The following HNRNPC variants were observed in gnomAD, a reference collection of about 807,000 sequenced individuals.
HNRNPC encodes heterogeneous nuclear ribonucleoprotein C, also known as heterogeneous nuclear ribonucleoproteins C1/C2.
In HNRNPC, 3 loss-of-function variants were observed where a neutral mutation model predicts 33.2. The observed-to-expected ratio is 0.09, with a 90% CI of 0.04 to 0.23. The LOEUF (loss-of-function observed/expected upper bound fraction) is 0.23. Among genes scored for constraint, HNRNPC ranks in the 10% least tolerant of loss-of-function variants. The pLI is 1.00. For synonymous variants in HNRNPC, 121 were observed against 126.7 expected, an observed-to-expected ratio of 0.96 and a Z score of 0.30; for missense variants, 143 against 366.7, an observed-to-expected ratio of 0.39 and a Z score of 4.98.
chr14:21,256,731 T>C (rs1224077778), intron 2 of HNRNPC, among the ~76,000 whole-genome samples: 4 of 151,918 alleles, frequency 2.6e-5, no homozygotes, highest in African/African-American at 4.8e-5. Context: ...CTCGGCTCAC[T>C]GCAACCTCTG....
intron 6 of HNRNPC, 136 bp downstream of exon 6, chr14:21,212,824 T>C (rs1891764713): frequency 1.8e-6 from 2 of 1,128,178 alleles, no homozygotes; most frequent in Admixed American, 1.9e-5. Context: ...ATTACAGGCA[T>C]GAGCCACCAC....
chr14:21,266,861 C>G (rs1008779480), intron 1 of HNRNPC, among the ~76,000 whole-genome samples: 1 of 151,730 alleles, frequency 6.6e-6, no homozygotes, highest in Non-Finnish European at 1.5e-5. Flanking sequence ...GAGGCCAAGG[C>G]AGGAGGACTC....
chr14:21,256,979 G>A (rs1018207896), intron 2 of HNRNPC, among the ~76,000 whole-genome samples: 4 of 152,114 alleles, frequency 2.6e-5, no homozygotes, highest in African/African-American at 7.2e-5. Flanking sequence ...TAGGCCAAAG[G>A]TGAGAAGAGT....
chr14:21,256,099 T>A (rs1324954756), intron 2 of HNRNPC, among the ~76,000 whole-genome samples: 2 of 152,076 alleles, frequency 1.3e-5, no homozygotes, highest in African/African-American at 4.8e-5. Context: ...ACAGAAAAAT[T>A]TTTGACTTCA....
intron 5 of HNRNPC, among the ~76,000 whole-genome samples, chr14:21,217,066 T>A (rs1301633927): frequency 1.3e-5 from 2 of 152,232 alleles, no homozygotes; most frequent in African/African-American, 4.8e-5. Context: ...AGTCAAATTC[T>A]CTACTTTTCT....
intron 2 of HNRNPC, among the ~76,000 whole-genome samples, chr14:21,245,097 A>AC (rs1232127113): frequency 3.3e-5 from 5 of 151,194 alleles, no homozygotes; most frequent in African/African-American, 1.2e-4. Context: ...AAAAAAAAAA[A>AC]AAAAAAAAAG....
At chr14:21,229,648 A>G (rs1893886143) in intron 5 of HNRNPC, among the ~76,000 whole-genome samples, 2 of 152,164 alleles carry the variant, frequency 1.3e-5, no homozygotes, top group African/African-American at 2.4e-5. Flanking sequence ...ATTCCTTTAC[A>G]ACTCCCATGC....
At chr14:21,216,156 A>G (rs1378378350) in intron 5 of HNRNPC, among the ~76,000 whole-genome samples, 1 of 150,402 alleles carries the variant, frequency 6.6e-6, no homozygotes, top group Non-Finnish European at 1.5e-5. Flanking sequence ...AAGAATGTCT[A>G]CCCCAATTCC....
At chr14:21,244,403 A>C (rs1895713701) in intron 2 of HNRNPC, among the ~76,000 whole-genome samples, 1 of 152,244 alleles carries the variant, frequency 6.6e-6, no homozygotes, top group African/African-American at 2.4e-5. Context: ...AAACATCTCG[A>C]TGTAAAAAAC....
intron 5 of HNRNPC, among the ~76,000 whole-genome samples, chr14:21,222,402 G>C (rs978659576): frequency 2.0e-5 from 3 of 151,568 alleles, no homozygotes; most frequent in Non-Finnish European, 4.4e-5. Context: ...TTCCTGTACG[G>C]ATTTGCCTAT....
chr14:21,237,795 T>TG (rs1894878327), intron 2 of HNRNPC, among the ~76,000 whole-genome samples: 2 of 152,148 alleles, frequency 1.3e-5, no homozygotes, highest in Non-Finnish European at 2.9e-5. Context: ...TTTTTTGAGT[T>TG]GGAGTTTCAC....
intron 5 of HNRNPC, among the ~76,000 whole-genome samples, chr14:21,219,361 C>T (rs868249935): frequency 7.2e-5 from 11 of 152,070 alleles, no homozygotes; most frequent in Admixed American, 4.6e-4. Context: ...AATTATACAC[C>T]AAAAGGGTGA....
rs56203257 is a variant in HNRNPC at position 21,267,095 on chromosome 14, C to CA, written c.-63+2202dup. 1.7e-3 allele frequency among the ~76,000 whole-genome samples: 182 copies of CA among 104,022 alleles called. 7 individuals are homozygous for CA. Among genetic ancestry groups the CA allele is most frequent in the Admixed American group, 3.1e-3 (30 of 9,822 alleles). The allele number at this position is 104,022 out of a possible 152,430, so 68.2% of individuals were successfully genotyped here. A position where few individuals can be genotyped will look rare whatever the true frequency, so the allele number is the denominator to read the frequency against. On this transcript the variant is annotated intron_variant, in intron 1 of 8. Coordinates refer to ENST00000553300, the MANE Select transcript of HNRNPC (RefSeq NM_004500.4). ...AGGGCGACAGAGCGAGACTCCGTCT[C>CA]AAAAAAAAAAAAAAAAAAAAAAAAA...
At chr14:21,227,802 T>C (rs1273699777) in intron 5 of HNRNPC, among the ~76,000 whole-genome samples, 1 of 152,208 alleles carries the variant, frequency 6.6e-6, no homozygotes, top group Non-Finnish European at 1.5e-5. Flanking sequence ...TGTCACTGTA[T>C]ACTGCTAAAA....
chr14:21,262,604 C>T (rs1386897149), intron 2 of HNRNPC: 1 of 152,270 alleles, frequency 6.6e-6, no homozygotes, highest in African/African-American at 2.4e-5. Context: ...CTCTTACCAT[C>T]ACCCAGGAAG....
At position 21,254,060 on chromosome 14, in the gene HNRNPC, C is replaced by CAA. The variant is rs575132536; in HGVS notation, c.-37+9249_-37+9250dup. Among the ~76,000 whole-genome samples the CAA allele has an allele frequency of 1.2e-3, 62 of 51,986 alleles. 1 individual carries two copies. The highest frequency in any genetic ancestry group is 3.6e-3 in the African/African-American group (52 of 14,276). 34.1% of individuals were successfully genotyped at this position (51,986 alleles called of 152,430 possible). ...CCTGGGCTAGAGTGAGATTCCGTCT[C>CAA]AAAAAAAAAAAAAAAAAAAGTGCAT... On this transcript the variant is annotated intron_variant, in intron 2 of 8. Coordinates refer to ENST00000553300, the MANE Select transcript of HNRNPC (RefSeq NM_004500.4).
intron 5 of HNRNPC, among the ~76,000 whole-genome samples, chr14:21,230,111 G>A (rs527614766): frequency 1.2e-4 from 19 of 152,258 alleles, no homozygotes; most frequent in Middle Eastern, 3.4e-3. Context: ...GTTTCACCAC[G>A]TTAGCCAGGG....
chr14:21,267,724 T>C (rs912558862), intron 1 of HNRNPC, among the ~76,000 whole-genome samples: 10 of 152,206 alleles, frequency 6.6e-5, no homozygotes, highest in Non-Finnish European at 1.0e-4. Context: ...TGCGCTGATA[T>C]ACATACTGAC....
intron 5 of HNRNPC, among the ~76,000 whole-genome samples, chr14:21,219,855 C>T (rs11848128): frequency 0.016 from 2,445 of 152,334 alleles, 33 homozygotes; most frequent in Middle Eastern, 0.078. Context: ...CTGCTCCTCA[C>T]CTTAGCTCCT....
Sources: gnomAD v4.1 joint callset for allele counts (sites outside exome capture counted in the v4.1 genomes callset) on GRCh38, gnomAD v4.1.1 for gene constraint, MANE v1.5 for transcripts, NCBI Gene and HGNC (gene_info 2026-07-23, HGNC 2026-07-21) for gene names.